WDR62: variants seen among roughly 807,000 people sequenced by gnomAD.
WDR62 encodes WD repeat-containing protein 62.
In WDR62, 112 loss-of-function variants were observed where a neutral mutation model predicts 160.6. The observed-to-expected ratio is 0.70, with a 90% CI of 0.60 to 0.82. WDR62 has a LOEUF of 0.82. Ranked by LOEUF, WDR62 falls within the 40% of genes least tolerant of loss-of-function variation. WDR62 has a pLI of 0.00. For synonymous variants in WDR62, 792 were observed against 815.1 expected (o/e 0.97, Z 0.48); for missense variants, 1,819 against 1,983.8 (o/e 0.92, Z 1.58).
chr19:36,059,954 C>G lies in WDR62; in HGVS notation c.270-14C>G. On this transcript the variant is annotated splice_polypyrimidine_tract_variant and intron_variant, in intron 2 of 31. Transcript: ENST00000401500. ...CTCCCCACAGTTGAGGCACATTTTCCTCTTTCTTCCCAGCTGTGTGGTGGT... is the reference window on the plus strand; with the variant it reads ...CTCCCCACAGTTGAGGCACATTTTCGTCTTTCTTCCCAGCTGTGTGGTGGT... The G allele has an allele frequency of 6.2e-7, 1 of 1,614,142 alleles. No homozygotes were observed.
chr19:36,111,099 C>T, the WDR62 span: 3 of 1,065,912 alleles, frequency 2.8e-6, no homozygotes, highest in Non-Finnish European at 4.0e-6. Flanking sequence ...GAATGAGGTT[C>T]CTCAGAGGCT....
chr19:36,073,089 G>A (rs556287059), intron 8 of WDR62, among the ~76,000 whole-genome samples: 3 of 152,214 alleles, frequency 2.0e-5, no homozygotes, highest in South Asian at 2.1e-4. Context: ...AATGATGGGC[G>A]ATAAATGTTC....
chr19:36,055,284 A>G (rs1599736774), intron 1 of WDR62, 136 bp downstream of exon 1: 2 of 883,274 alleles, frequency 2.3e-6, no homozygotes, highest in East Asian at 2.7e-5. Flanking sequence ...CTCGTCCCCT[A>G]ACCCCCGCCC....
chr19:36,088,985 C>T (rs2145765630), intron 13 of WDR62, 53 bp from the exon 14 acceptor site: 2 of 1,598,832 alleles, frequency 1.3e-6, no homozygotes, highest in Non-Finnish European at 1.7e-6. Flanking sequence ...CAGCTAGGGT[C>T]CCCTGCCCAT....
intron 26 of WDR62, 76 bp from the exon 27 acceptor site, chr19:36,102,661 T>G (rs368803635): frequency 1.5e-6 from 2 of 1,345,384 alleles, no homozygotes; most frequent in African/African-American, 1.4e-5. Context: ...AGTGCCCCGC[T>G]GGGCTGTGGG....
At position 36,102,836 on chromosome 19, in the gene WDR62, T is replaced by G; in HGVS notation, c.3320T>G (p.Leu1107Arg). The change falls in exon 27 of 32, where the codon CTC becomes CGC. Residue 1107 changes from leucine to arginine, a missense_variant. Coordinates refer to ENST00000401500, the MANE Select transcript of WDR62 (RefSeq NM_001083961.2). Reference protein sequence around the residue: ...LSISTQFLSSLQKASRFTHTF... With the variant: ...LSISTQFLSSRQKASRFTHTF... ...ATCTCCACGCAGTTCCTCTCAAGCCTCCAGAAGGCATCCAGGTAGAAGCTG... is the reference window on the plus strand; with the variant it reads ...ATCTCCACGCAGTTCCTCTCAAGCCGCCAGAAGGCATCCAGGTAGAAGCTG... The G allele has an allele frequency of 6.2e-7, 1 of 1,614,176 alleles. No individual in the cohort carries two copies. The highest frequency in any genetic ancestry group is 8.5e-7 in the Non-Finnish European group (1 of 1,180,016).
intron 6 of WDR62, 90 bp from the exon 7 acceptor site, chr19:36,067,738 G>A: frequency 6.9e-7 from 1 of 1,440,040 alleles, no homozygotes; most frequent in African/African-American, 1.4e-5. Flanking sequence ...GAGCTTCTTA[G>A]AGTTCTCCTG....
At chr19:36,110,976 G>A in the WDR62 span, among the ~76,000 whole-genome samples, 2 of 152,026 alleles carry the variant, frequency 1.3e-5, no homozygotes, top group East Asian at 3.9e-4. Context: ...TCCACCCCTG[G>A]AGGCTGGATG....
rs1175675111 is a variant in WDR62, at chr19:36,091,616, G to A, written c.2210+151G>A. ...CCCTGAGTTCAAATACCAGCTCTAAGCTGGGCATGATGGCTCACGCCTGTA... is the reference window on the plus strand; with the variant it reads ...CCCTGAGTTCAAATACCAGCTCTAAACTGGGCATGATGGCTCACGCCTGTA... On this transcript the variant is annotated intron_variant, in intron 18 of 31. Transcript: ENST00000401500. 4.9e-6 allele frequency: 4 copies of A among 813,216 alleles called. No individual in the cohort carries two copies. In the East Asian group the frequency reaches 7.7e-5, roughly 16 times the overall value. The allele number at this position is 813,216 out of a possible 1,614,324, so 50.4% of individuals were successfully genotyped here. A position where few individuals can be genotyped will look rare whatever the true frequency, so the allele number is the denominator to read the frequency against.
At chr19:36,091,340 T>TGGCCCCCCCC in intron 17 of WDR62, 29 bp downstream of exon 17, 1 of 1,579,188 alleles carries the variant, frequency 6.3e-7, no homozygotes, top group Non-Finnish European at 8.7e-7. Context: ...TTGGGATGCC[T>TGGCCCCCCCC]CCCCACCCGC....
intron 13 of WDR62, among the ~76,000 whole-genome samples, chr19:36,088,695 G>C (rs563527849): frequency 6.6e-6 from 1 of 152,328 alleles, no homozygotes; most frequent in African/African-American, 2.4e-5. Context: ...CTCCCAGCCT[G>C]TCTCCACTGG....
chr19:36,101,805 G>C (rs746974519), intron 25 of WDR62, 31 bp downstream of exon 25: 5 of 1,535,494 alleles, frequency 3.3e-6, no homozygotes, highest in Middle Eastern at 1.7e-4. Flanking sequence ...CAGGGGACTC[G>C]CTGCTCGGGC....
At position 36,102,056 on chromosome 19, in the gene WDR62, G is replaced by A; in HGVS notation, c.3125G>A (p.Gly1042Glu). The change falls in exon 26 of 32, where the codon GGA (glycine) becomes GAA (glutamate). Residue 1042 changes from glycine to glutamate, a missense_variant. This residue lies in a region of WDR62 where 770 missense variants were observed against 734.2 expected (regional missense o/e 1.05). Coordinates refer to ENST00000401500, the MANE Select transcript of WDR62 (RefSeq NM_001083961.2). ...GAAGATGAGCTGTCCCTGCCCGAGG[G>A]ACCCAGCGTCCCCAGCAGCTCCCTA... ...PTEDELSLPE[G>E]PSVPSSSLPQ... The A allele has an allele frequency of 6.2e-7, 1 of 1,614,152 alleles. No homozygotes were observed.
chr19:36,095,663 G>A (rs774044446), intron 20 of WDR62, among the ~76,000 whole-genome samples: 12 of 152,220 alleles, frequency 7.9e-5, no homozygotes, highest in East Asian at 3.9e-4. Flanking sequence ...GCGTGATGGC[G>A]TGCGCCTGTA....
At chr19:36,079,181 A>T (rs1329474648) in intron 9 of WDR62, among the ~76,000 whole-genome samples, 1 of 152,160 alleles carries the variant, frequency 6.6e-6, no homozygotes, top group Admixed American at 6.5e-5. Context: ...TCATAGGCAC[A>T]AGCAGTTCTC....
At position 36,084,759 on chromosome 19, in the gene WDR62, G is replaced by A. The variant is rs1191395919; in HGVS notation, c.1642+15G>A. 1 of 1,610,972 alleles carries A rather than the reference G, an allele frequency of 6.2e-7. No homozygotes were observed. Among genetic ancestry groups the A allele is most frequent in the Non-Finnish European group, 8.5e-7 (1 of 1,179,134 alleles). ...GCCAGAGACGGGTGAGCCCGCAGCA[G>A]GGGTGGAATGGGGGTCAGGCAGGGA... On this transcript the variant is annotated intron_variant, in intron 12 of 31. Transcript: ENST00000401500.
chr19:36,067,955 GCCT>G lies in WDR62; in HGVS notation c.832_834del (p.Leu278del), dbSNP rs2145591077. On this transcript the variant is annotated inframe_deletion, in exon 7 of 32. Coordinates refer to ENST00000401500, the MANE Select transcript of WDR62 (RefSeq NM_001083961.2). ...AGTACCTTCTGTGTGTCCTACTCGG[GCCT>G]CCTCTGCCAGTTCAATGAGAAGAGG... The G allele has an allele frequency of 6.2e-7, 1 of 1,614,174 alleles. No homozygotes were observed. The highest frequency in any genetic ancestry group is 8.5e-7 in the Non-Finnish European group (1 of 1,180,026).
In WDR62 at chr19:36,103,783, G is replaced by A. The variant is rs746742443; in HGVS notation, c.3955G>A (p.Val1319Ile). The A allele has an allele frequency of 5.3e-5, 85 of 1,609,982 alleles. No homozygotes were observed. In the Admixed American group the frequency reaches 1.1e-3, roughly 20 times the overall value. Residue 1319 changes from valine (V) to isoleucine (I), a missense_variant, in exon 30 of 32, where the codon GTC (valine) becomes ATC (isoleucine). Around this residue, in one of 3 missense-constraint regions of WDR62, gnomAD observed 770 missense variants for 734.2 expected, o/e 1.05. Transcript: ENST00000401500. ...GCCCCCCGTGGATACCCAGCCTGGCGTCACCGTCCCTGCAGTGAGCTTCCC... is the reference window on the plus strand; with the variant it reads ...GCCCCCCGTGGATACCCAGCCTGGCATCACCGTCCCTGCAGTGAGCTTCCC... ...LQPPVDTQPG[V>I]TVPAVSFPAP... is the part of the protein sequence containing the mutation.
chr19:36,101,775 G>T lies in WDR62; in HGVS notation c.3082+1G>T, dbSNP rs1339337868. Reference sequence around the variant, plus strand: ...GCCACGTCGCTGCCCCATTTCCCAGGTAAGCAGGGGCCAGACACGCAGGGG... The same window carrying T: ...GCCACGTCGCTGCCCCATTTCCCAGTTAAGCAGGGGCCAGACACGCAGGGG... On this transcript the variant is annotated splice_donor_variant, in intron 25 of 31. Coordinates refer to ENST00000401500, the MANE Select transcript of WDR62 (RefSeq NM_001083961.2). LOFTEE classifies it high-confidence loss of function. 6.4e-7 allele frequency: 1 copy of T among 1,551,436 alleles called. No individual in the cohort carries two copies. The highest frequency in any genetic ancestry group is 1.4e-5 in the African/African-American group (1 of 73,150).
Sources: allele counts gnomAD v4.1 joint callset (sites outside exome capture counted in the v4.1 genomes callset), GRCh38; gene constraint gnomAD v4.1.1; regional missense constraint gnomAD v4.1.1; transcripts MANE v1.5; gene names NCBI Gene and HGNC (gene_info 2026-07-23, HGNC 2026-07-21).